Variants in TXNDC11 observed in about 807,000 individuals in gnomAD.
TXNDC11 encodes thioredoxin domain containing 11.
TXNDC11 carries 68 observed loss-of-function variants against 78.0 expected under a neutral mutation model. The ratio of observed to expected loss-of-function variants is 0.87; its 90% CI spans 0.72 to 1.07. The LOEUF (loss-of-function observed/expected upper bound fraction) is 1.07. Among genes scored for constraint, TXNDC11 ranks in the 50% least tolerant of loss-of-function variants. TXNDC11 has a pLI of 0.00. For missense variants in TXNDC11, 1,389 were observed against 1,221.8 expected (o/e 1.14, Z -2.04); for synonymous variants, 571 against 495.2 (o/e 1.15, Z -2.03).
chr16:11,693,438 C>T (rs2050774600), intron 7 of TXNDC11, among the ~76,000 whole-genome samples: 2 of 152,082 alleles, frequency 1.3e-5, no homozygotes, highest in Admixed American at 6.6e-5. Context: ...AGGGTGCTGT[C>T]ACTCAGGATT....
At chr16:11,719,199 C>A (rs1291155276) in intron 5 of TXNDC11, among the ~76,000 whole-genome samples, 1 of 152,168 alleles carries the variant, frequency 6.6e-6, no homozygotes, top group Non-Finnish European at 1.5e-5. Context: ...TGAATGCTAC[C>A]ATCACTTTAG....
intron 11 of TXNDC11, among the ~76,000 whole-genome samples, chr16:11,681,736 G>C (rs1197324974): frequency 1.3e-5 from 2 of 152,236 alleles, no homozygotes; most frequent in Non-Finnish European, 2.9e-5. Context: ...CACAGAGTCT[G>C]ACGCAAGTGC....
chr16:11,688,382 C>T lies in TXNDC11; in HGVS notation c.1964G>A (p.Gly655Asp), dbSNP rs2050622126. 1 of 1,614,012 alleles carries T rather than the reference C, an allele frequency of 6.2e-7. No homozygotes were observed. The highest frequency in any genetic ancestry group is 8.5e-7 in the Non-Finnish European group (1 of 1,179,916). Residue 655 changes from glycine to aspartate, a missense_variant, in exon 9 of 12, where the codon GGC becomes GAC. By Grantham distance (94) the Gly-to-Asp change is moderately conservative (BLOSUM62 -1). Transcript: ENST00000283033. ...SPLKRHLIGS[G>D]SAQFPSQHLI... ...ATGCTGAGACGGGAACTGGGCAGAG[C>T]CACTTCCAATGAGATGCCTTTTCAA...
chr16:11,716,407 G>A (rs1054908670), intron 5 of TXNDC11, among the ~76,000 whole-genome samples: 1 of 152,102 alleles, frequency 6.6e-6, no homozygotes, highest in Non-Finnish European at 1.5e-5. Context: ...TTTTCTTTTG[G>A]CAATAAAGTA....
intron 5 of TXNDC11, among the ~76,000 whole-genome samples, chr16:11,718,693 A>T (rs114058004): frequency 0.01 from 1,557 of 152,328 alleles, 27 homozygotes; most frequent in African/African-American, 0.036. Flanking sequence ...TAGCCACAAA[A>T]AAATGGGGTG....
At chr16:11,719,385 G>C (rs1567334551) in intron 5 of TXNDC11, among the ~76,000 whole-genome samples, 1 of 152,148 alleles carries the variant, frequency 6.6e-6, no homozygotes, top group Admixed American at 6.6e-5. Flanking sequence ...TTAGTCACTT[G>C]AAACTGTGCA....
At chr16:11,716,384 C>T (rs1249920940) in intron 5 of TXNDC11, among the ~76,000 whole-genome samples, 1 of 152,218 alleles carries the variant, frequency 6.6e-6, no homozygotes, top group African/African-American at 2.4e-5. Flanking sequence ...CAGAATATGA[C>T]CCCTCTACCA....
At position 11,742,667 on chromosome 16, in the gene TXNDC11, C is replaced by T. The variant is rs781662574; in HGVS notation, c.64G>A (p.Gly22Arg). The T allele has an allele frequency of 1.2e-4, 182 of 1,467,740 alleles. 1 individual carries two copies. In the African/African-American group the frequency reaches 2.3e-3, roughly 19 times the overall value. 90.9% of individuals were successfully genotyped at this position (1,467,740 alleles called of 1,614,324 possible). The change falls in exon 1 of 12, where the codon GGG (glycine) becomes AGG (arginine). Residue 22 changes from glycine to arginine, a missense_variant. Gly to Arg is a moderately radical substitution (Grantham distance 125). Coordinates refer to ENST00000283033, the MANE Select transcript of TXNDC11 (RefSeq NM_015914.7). ...GAGCCCGCGGGGCCGCCGCCGCCCCCTCCCTCGTCCTCGGCGTCCTCGCTG... is the reference window on the plus strand; with the variant it reads ...GAGCCCGCGGGGCCGCCGCCGCCCCTTCCCTCGTCCTCGGCGTCCTCGCTG... The part of the protein sequence containing the change: ...SSSEDAEDEG[G>R]GGGGPAGSDC...
chr16:11,700,109 G>C (rs1421549550), intron 6 of TXNDC11, among the ~76,000 whole-genome samples: 3 of 152,216 alleles, frequency 2.0e-5, no homozygotes, highest in Admixed American at 6.5e-5. Context: ...ACATCACTCA[G>C]TGGAAGCCTA....
intron 5 of TXNDC11, among the ~76,000 whole-genome samples, chr16:11,706,880 T>C (rs928545915): frequency 9.9e-5 from 15 of 152,220 alleles, no homozygotes; most frequent in African/African-American, 3.6e-4. Context: ...GGGTTTGAAC[T>C]GCGTGGGTCC....
chr16:11,718,168 T>G (rs1374608870), intron 5 of TXNDC11, among the ~76,000 whole-genome samples: 1 of 151,934 alleles, frequency 6.6e-6, no homozygotes, highest in Non-Finnish European at 1.5e-5. Context: ...CCTGTGATGC[T>G]TCAGACATGG....
At chr16:11,699,742 G>C (rs1382217585) in intron 6 of TXNDC11, among the ~76,000 whole-genome samples, 1 of 152,240 alleles carries the variant, frequency 6.6e-6, no homozygotes. Context: ...TGGGTACACT[G>C]GGTGCAGGGA....
Position 11,728,538 on chromosome 16 carries a change from A to C in TXNDC11, c.699+2107T>G, listed in dbSNP as rs71383284. Among the ~76,000 whole-genome samples, 1,317 of 152,320 alleles carry C rather than the reference A, an allele frequency of 8.6e-3. 9 individuals carry two copies. Among genetic ancestry groups the C allele is most frequent in the Middle Eastern group, 0.017 (5 of 294 alleles). ...TTAATCACTGTTGTACATCACTCTA[A>C]GTGGGCTGCCAAAAAACTTAATGTA... On this transcript the variant is annotated intron_variant, in intron 4 of 11. Transcript: ENST00000283033.
At chr16:11,730,885 C>A in intron 3 of TXNDC11, 111 bp from the exon 4 acceptor site, 1 of 826,722 alleles carries the variant, frequency 1.2e-6, no homozygotes, top group Non-Finnish European at 1.7e-6. Flanking sequence ...AAGTGTCTTG[C>A]TTTGGGATCC....
chr16:11,687,099 T>G (rs561183794), intron 10 of TXNDC11, among the ~76,000 whole-genome samples: 1 of 152,358 alleles, frequency 6.6e-6, no homozygotes, highest in South Asian at 2.1e-4. Context: ...GTCCCCCTTT[T>G]TGTCTGCTTT....
At chr16:11,683,796 G>T (rs1216510529) in intron 11 of TXNDC11, among the ~76,000 whole-genome samples, 1 of 146,908 alleles carries the variant, frequency 6.8e-6, no homozygotes, top group Admixed American at 6.9e-5. Flanking sequence ...CTGTCACCCA[G>T]GTTGGAGTGC....
At position 11,698,330 on chromosome 16, in the gene TXNDC11, G is replaced by A. The variant is rs186010760; in HGVS notation, c.907-5C>T. On this transcript the variant is annotated splice_region_variant and splice_polypyrimidine_tract_variant and intron_variant, in intron 6 of 11. Coordinates refer to ENST00000283033, the MANE Select transcript of TXNDC11 (RefSeq NM_015914.7). ...CAGGACCTCCCTGGGGAAGACCTGT[G>A]AAGGACAAAGGCACAGAGGATAAAG... is the stretch of plus-strand genomic sequence containing the variant. 9 of 1,612,584 alleles carry A rather than the reference G, an allele frequency of 5.6e-6. No individual in the cohort carries two copies. Among genetic ancestry groups the A allele is most frequent in the African/African-American group, 1.3e-5 (1 of 74,986 alleles).
intron 5 of TXNDC11, among the ~76,000 whole-genome samples, chr16:11,719,493 C>A (rs2051640295): frequency 1.3e-5 from 2 of 152,106 alleles, no homozygotes; most frequent in Admixed American, 6.5e-5. Flanking sequence ...ATTCTCTGTC[C>A]ATAAAACCTT....
chr16:11,689,220 C>G (rs1281607692), intron 8 of TXNDC11, among the ~76,000 whole-genome samples: 1 of 152,084 alleles, frequency 6.6e-6, no homozygotes, highest in African/African-American at 2.4e-5. Flanking sequence ...TCCAGAGTAG[C>G]TGGGACTACA....
Sources: gnomAD v4.1 joint callset for allele counts (sites outside exome capture counted in the v4.1 genomes callset) on GRCh38, gnomAD v4.1.1 for gene constraint, MANE v1.5 for transcripts, NCBI Gene and HGNC (gene_info 2026-07-23, HGNC 2026-07-21) for gene names.